POLR3A: variants seen among roughly 807,000 people sequenced by gnomAD.
POLR3A encodes DNA-directed RNA polymerase III subunit RPC1.
POLR3A carries 112 observed loss-of-function variants against 152.8 expected under a neutral mutation model. The observed-to-expected ratio is 0.73, with a 90% CI of 0.63 to 0.86. POLR3A has a LOEUF of 0.86. Among genes scored for constraint, POLR3A ranks in the 40% least tolerant of loss-of-function variants. The pLI, the probability that POLR3A is intolerant of heterozygous loss-of-function variation, is 0.00. For synonymous variants in POLR3A, 615 were observed against 652.1 expected, an observed-to-expected ratio of 0.94 and a Z score of 0.87; for missense variants, 1,385 against 1,743.1, an observed-to-expected ratio of 0.79 and a Z score of 3.66.
At chr10:77,992,275 CTT>C (rs879321306) in intron 20 of POLR3A, among the ~76,000 whole-genome samples, 30 of 141,098 alleles carry the variant, frequency 2.1e-4, no homozygotes, top group East Asian at 4.1e-4. Context: ...TTTTTTTCAT[CTT>C]TTTTTTTTTT....
intron 21 of POLR3A, among the ~76,000 whole-genome samples, chr10:77,990,205 T>TAA (rs142485164): frequency 7.0e-6 from 1 of 142,758 alleles, no homozygotes; most frequent in African/African-American, 2.6e-5. Flanking sequence ...GTCAGAACCA[T>TAA]AAAAAAAAAA....
chr10:78,019,343 C>G lies in POLR3A; in HGVS notation c.1186-78G>C. 6.1e-6 allele frequency: 6 copies of G among 985,454 alleles called. No individual in the cohort carries two copies. The South Asian group carries it at 6.4e-5, about 11-fold the overall frequency. The allele number at this position is 985,454 out of a possible 1,614,324, so 61.0% of individuals were successfully genotyped here. On this transcript the variant is annotated intron_variant, in intron 8 of 30. Transcript: ENST00000372371. ...AAATGATACTGAAATGCGTCTTAAT[C>G]TTTACTTTCCTTGTTCAGATTCTAG...
intron 10 of POLR3A, among the ~76,000 whole-genome samples, chr10:78,014,177 A>G (rs1564621223): frequency 6.6e-6 from 1 of 151,952 alleles, no homozygotes; most frequent in South Asian, 2.1e-4. Context: ...AAAAAAAAAA[A>G]GACTCATTCG....
intron 17 of POLR3A, among the ~76,000 whole-genome samples, chr10:78,001,732 C>A (rs746403184): frequency 7.2e-5 from 11 of 152,188 alleles, no homozygotes; most frequent in Non-Finnish European, 1.6e-4. Flanking sequence ...ACCTGCTGGG[C>A]TCAAGTGATC....
chr10:77,980,021 T>C, intron 30 of POLR3A, 120 bp downstream of exon 30: 1 of 912,888 alleles, frequency 1.1e-6, no homozygotes, highest in Non-Finnish European at 1.8e-6. Flanking sequence ...CTATTGACAT[T>C]ATTCTTGAAA....
intron 3 of POLR3A, 55 bp downstream of exon 3, chr10:78,025,567 C>A: frequency 6.3e-7 from 1 of 1,593,844 alleles, no homozygotes; most frequent in Non-Finnish European, 8.6e-7. Context: ...ATTCCAGCAT[C>A]CCTGACCAAT....
At chr10:78,004,277 C>A (rs1011855818) in intron 16 of POLR3A, among the ~76,000 whole-genome samples, 2 of 151,882 alleles carry the variant, frequency 1.3e-5, no homozygotes, top group African/African-American at 4.8e-5. Flanking sequence ...ACAAAAAAAA[C>A]CAAACCCCCA....
chr10:77,987,546 C>CT (rs1431487619), intron 21 of POLR3A, among the ~76,000 whole-genome samples: 5 of 152,108 alleles, frequency 3.3e-5, no homozygotes, highest in Non-Finnish European at 5.9e-5. Context: ...CCAGCATGCC[C>CT]TGCCCAAAGT....
At chr10:77,984,942 T>C (rs1370700215) in intron 24 of POLR3A, among the ~76,000 whole-genome samples, 1 of 152,252 alleles carries the variant, frequency 6.6e-6, no homozygotes, top group Non-Finnish European at 1.5e-5. Context: ...TCATGTTACT[T>C]GTGGCCATAA....
At chr10:77,979,420 C>A (rs535232648) in intron 30 of POLR3A, among the ~76,000 whole-genome samples, 6 of 152,186 alleles carry the variant, frequency 3.9e-5, no homozygotes, top group African/African-American at 9.7e-5. Context: ...GGTCTTCCTG[C>A]GGAATCAGAA....
chr10:77,976,813 C>G lies in POLR3A; in HGVS notation c.*665G>C, dbSNP rs1847094019. On this transcript the variant is annotated 3_prime_UTR_variant, in exon 31 of 31. Coordinates refer to ENST00000372371, the MANE Select transcript of POLR3A (RefSeq NM_007055.4). ...GGCATCTATAGAAGATGTTACAGAG[C>G]TGCCTGGGCCTCATGACAGTTGCAC... 1 of 153,166 alleles carries G rather than the reference C, an allele frequency of 6.5e-6. No homozygotes were observed. The highest frequency in any genetic ancestry group is 1.5e-5 in the Non-Finnish European group (1 of 68,800). 9.5% of individuals were successfully genotyped at this position (153,166 alleles called of 1,614,324 possible). A position where few individuals can be genotyped will look rare whatever the true frequency, so the allele number is the denominator to read the frequency against.
At chr10:78,012,096 G>C (rs146299364) in intron 11 of POLR3A, among the ~76,000 whole-genome samples, 22 of 152,286 alleles carry the variant, frequency 1.4e-4, no homozygotes, top group African/African-American at 5.1e-4. Context: ...CAGGTGCAAT[G>C]GCTCACACCT....
In POLR3A at chr10:78,029,466, C is replaced by T; in HGVS notation, c.-59G>A. ...GGGAGGCCAGATTAGAGAAACGATGCCCCCAGCACCTCCTGGGGCTGCTTC... is the reference window on the plus strand; with the variant it reads ...GGGAGGCCAGATTAGAGAAACGATGTCCCCAGCACCTCCTGGGGCTGCTTC... On this transcript the variant is annotated 5_prime_UTR_variant, in exon 1 of 31. Coordinates refer to ENST00000372371, the MANE Select transcript of POLR3A (RefSeq NM_007055.4). 3 of 1,562,002 alleles carry T rather than the reference C, an allele frequency of 1.9e-6. No individual in the cohort carries two copies. Among genetic ancestry groups the T allele is most frequent in the African/African-American group, 2.7e-5 (2 of 73,990 alleles).
chr10:77,984,083 T>G, intron 25 of POLR3A, 71 bp from the exon 26 acceptor site: 1 of 1,326,498 alleles, frequency 7.5e-7, no homozygotes, highest in Non-Finnish European at 1.1e-6. Flanking sequence ...ACTGCTTGCT[T>G]TTTTGAAGAG....
intron 21 of POLR3A, among the ~76,000 whole-genome samples, chr10:77,990,247 G>A (rs965403830): frequency 3.3e-5 from 5 of 152,018 alleles, no homozygotes; most frequent in African/African-American, 9.7e-5. Context: ...AACCTTAAGA[G>A]GGTATCAAAG....
chr10:78,017,543 T>C, intron 10 of POLR3A, 32 bp downstream of exon 10: 1 of 1,611,550 alleles, frequency 6.2e-7, no homozygotes, highest in Non-Finnish European at 8.5e-7. Context: ...AATTTCTACG[T>C]GATGGAAAAT....
chr10:78,019,274 C>T lies in POLR3A; in HGVS notation c.1186-9G>A, dbSNP rs750855191. 4.4e-6 allele frequency: 7 copies of T among 1,583,084 alleles called. 1 individual carries two copies. The South Asian group carries it at 6.6e-5, about 15-fold the overall frequency. ...ATGTTTGCTTTGTTTACCTGCAGTA[C>T]AAAAAAACCACAATAAGTTACTCCC... is the stretch of plus-strand genomic sequence containing the variant. On this transcript the variant is annotated splice_polypyrimidine_tract_variant and intron_variant, in intron 8 of 30. Coordinates refer to ENST00000372371, the MANE Select transcript of POLR3A (RefSeq NM_007055.4).
chr10:77,981,287 A>G, intron 29 of POLR3A, 141 bp downstream of exon 29: 1 of 891,146 alleles, frequency 1.1e-6, no homozygotes, highest in Non-Finnish European at 1.9e-6. Context: ...TTGGTTTTTG[A>G]GCAATGTTCA....
At chr10:78,002,093 A>C in intron 17 of POLR3A, 104 bp downstream of exon 17, 1 of 677,606 alleles carries the variant, frequency 1.5e-6, no homozygotes, top group Non-Finnish European at 2.6e-6. Context: ...AGATCCCTTA[A>C]ATAAATGAAA....
Sources: gnomAD v4.1 joint callset for allele counts (sites outside exome capture counted in the v4.1 genomes callset) on GRCh38, gnomAD v4.1.1 for gene constraint, MANE v1.5 for transcripts, NCBI Gene and HGNC (gene_info 2026-07-23, HGNC 2026-07-21) for gene names.